The following FARS2 variants were observed in gnomAD, a reference collection of about 807,000 sequenced individuals.
FARS2 encodes phenylalanine--tRNA ligase, mitochondrial.
In FARS2, 40 loss-of-function variants were observed where a neutral mutation model predicts 46.4. The ratio of observed to expected loss-of-function variants is 0.86; its 90% confidence interval spans 0.67 to 1.12. The LOEUF is 1.12. FARS2 is among the 50% of genes most tolerant of loss of function. The pLI is 0.00. For synonymous variants in FARS2, 234 were observed against 214.9 expected, an observed-to-expected ratio of 1.09 and a Z score of -0.78; for missense variants, 513 against 567.9, an observed-to-expected ratio of 0.90 and a Z score of 0.98.
chr6:5,617,689 C>T (rs1462487233), intron 6 of FARS2, among the ~76,000 whole-genome samples: 1 of 152,148 alleles, frequency 6.6e-6, no homozygotes, highest in East Asian at 1.9e-4. Context: ...ACTGTGATGG[C>T]TAGTATTCTT....
chr6:5,352,135 ATT>A (rs540539612), intron 1 of FARS2, among the ~76,000 whole-genome samples: 1 of 143,310 alleles, frequency 7.0e-6, no homozygotes, highest in Non-Finnish European at 1.5e-5. Context: ...TTTTTTTGTG[ATT>A]TTTTTTTTTT....
chr6:5,349,082 A>T (rs1757413234), intron 1 of FARS2, among the ~76,000 whole-genome samples: 1 of 152,210 alleles, frequency 6.6e-6, no homozygotes, highest in Non-Finnish European at 1.5e-5. Context: ...AAAGTAATCT[A>T]TCAAAAATAA....
chr6:5,548,786 T>C (rs1561705185), intron 5 of FARS2, among the ~76,000 whole-genome samples: 1 of 152,208 alleles, frequency 6.6e-6, no homozygotes, highest in Non-Finnish European at 1.5e-5. Flanking sequence ...CCTTTCTGCC[T>C]TCAAATTTGA....
intron 5 of FARS2, among the ~76,000 whole-genome samples, chr6:5,578,658 A>G (rs1773130379): frequency 6.6e-6 from 1 of 151,754 alleles, no homozygotes; most frequent in Admixed American, 6.6e-5. Flanking sequence ...AAATACAAAA[A>G]ATTAGCCAGG....
intron 2 of FARS2, among the ~76,000 whole-genome samples, chr6:5,372,552 T>G (rs1460055226): frequency 6.6e-6 from 1 of 152,160 alleles, no homozygotes; most frequent in African/African-American, 2.4e-5. Context: ...GTGTAGTTTA[T>G]GTAGAAAGCA....
At chr6:5,688,529 C>G (rs903085443) in intron 6 of FARS2, among the ~76,000 whole-genome samples, 1 of 152,192 alleles carries the variant, frequency 6.6e-6, no homozygotes, top group Non-Finnish European at 1.5e-5. Flanking sequence ...GTTGAAGCAG[C>G]CTTGCATCCC....
chr6:5,640,123 G>C (rs1776737790), intron 6 of FARS2, among the ~76,000 whole-genome samples: 1 of 148,296 alleles, frequency 6.7e-6, no homozygotes, highest in African/African-American at 2.5e-5. Flanking sequence ...TTAATCATTT[G>C]AGGGAACTTT....
chr6:5,507,975 T>A (rs996001333), intron 4 of FARS2, among the ~76,000 whole-genome samples: 1 of 152,248 alleles, frequency 6.6e-6, no homozygotes, highest in African/African-American at 2.4e-5. Context: ...AGCAAGTGAT[T>A]GAGAGTTCTG....
At chr6:5,498,984 G>T (rs1281059664) in intron 4 of FARS2, among the ~76,000 whole-genome samples, 2 of 151,966 alleles carry the variant, frequency 1.3e-5, no homozygotes, top group Non-Finnish European at 2.9e-5. Context: ...TGCAACCTCC[G>T]CCTCCTGGGT....
At chr6:5,464,030 C>T (rs979826208) in intron 4 of FARS2, among the ~76,000 whole-genome samples, 2 of 152,166 alleles carry the variant, frequency 1.3e-5, no homozygotes, top group Admixed American at 1.3e-4. Context: ...TGGAGTAAAC[C>T]ACGATTCAAC....
At chr6:5,705,313 A>G (rs977198053) in intron 6 of FARS2, among the ~76,000 whole-genome samples, 4 of 148,898 alleles carry the variant, frequency 2.7e-5, no homozygotes, top group Admixed American at 6.6e-5. Context: ...TCATGCTCAG[A>G]GGAAAAGCAG....
chr6:5,320,899 G>A (rs1369010842), intron 1 of FARS2, among the ~76,000 whole-genome samples: 1 of 152,136 alleles, frequency 6.6e-6, no homozygotes, highest in Non-Finnish European at 1.5e-5. Flanking sequence ...TGGTGGTTGT[G>A]GGGGCCAAGG....
At chr6:5,758,250 A>C (rs1762310890) in intron 6 of FARS2, among the ~76,000 whole-genome samples, 1 of 152,202 alleles carries the variant, frequency 6.6e-6, no homozygotes, top group Non-Finnish European at 1.5e-5. Context: ...CACATCAGGA[A>C]CCATATCTTG....
At chr6:5,686,446 T>C (rs1757226442) in intron 6 of FARS2, among the ~76,000 whole-genome samples, 1 of 151,866 alleles carries the variant, frequency 6.6e-6, no homozygotes. Context: ...AGTGAGAACA[T>C]GTGGTGTTCG....
rs534373505 is a variant in FARS2 at position 5,625,333 on chromosome 6, A to G, written c.1217+12013A>G. 2.0e-5 allele frequency among the ~76,000 whole-genome samples: 3 copies of G among 152,314 alleles called. No homozygotes were observed. The South Asian group carries it at 6.2e-4, about 32-fold the overall frequency. On this transcript the variant is annotated intron_variant, in intron 6 of 6. Coordinates refer to ENST00000274680, the MANE Select transcript of FARS2 (RefSeq NM_006567.5). Reference sequence around the variant, plus strand: ...CAGAGCAAGAAACAAGCTGGGCTCCAGGATCACACAAGCAGGGCCGCGACT... The same window carrying G: ...CAGAGCAAGAAACAAGCTGGGCTCCGGGATCACACAAGCAGGGCCGCGACT...
chr6:5,607,207 C>A (rs2150654360), intron 5 of FARS2, among the ~76,000 whole-genome samples: 1 of 151,968 alleles, frequency 6.6e-6, no homozygotes, highest in Non-Finnish European at 1.5e-5. Flanking sequence ...GAAAATGAAG[C>A]TTCCTGTCTT....
At chr6:5,590,064 A>G (rs1288300208) in intron 5 of FARS2, among the ~76,000 whole-genome samples, 1 of 152,204 alleles carries the variant, frequency 6.6e-6, no homozygotes, top group Non-Finnish European at 1.5e-5. Context: ...TGGTTTTTGA[A>G]GATTAAATAT....
At chr6:5,579,979 C>T (rs1359721086) in intron 5 of FARS2, among the ~76,000 whole-genome samples, 1 of 151,770 alleles carries the variant, frequency 6.6e-6, no homozygotes, top group Non-Finnish European at 1.5e-5. Flanking sequence ...TTTGCTTTGT[C>T]AGAACATAGG....
At chr6:5,342,435 G>A (rs554897935) in intron 1 of FARS2, among the ~76,000 whole-genome samples, 25 of 152,300 alleles carry the variant, frequency 1.6e-4, no homozygotes, top group Admixed American at 1.6e-3. Context: ...GACAATGATG[G>A]ACACAGTTAA....
Sources: allele counts gnomAD v4.1 joint callset (sites outside exome capture counted in the v4.1 genomes callset), GRCh38; gene constraint gnomAD v4.1.1; transcripts MANE v1.5; gene names NCBI Gene and HGNC (gene_info 2026-07-23, HGNC 2026-07-21).